Variants in MTHFD2L observed in about 807,000 individuals in gnomAD.
MTHFD2L encodes bifunctional methylenetetrahydrofolate dehydrogenase/cyclohydrolase 2, mitochondrial.
In MTHFD2L, 29 loss-of-function variants were observed where a neutral mutation model predicts 34.9. The observed-to-expected ratio is 0.83, with a 90% CI of 0.62 to 1.13. MTHFD2L has a LOEUF of 1.13. Ranked by LOEUF, MTHFD2L falls within the 50% of genes most tolerant of loss-of-function variation. The pLI is 0.00. For missense variants in MTHFD2L, 481 were observed against 446.5 expected, an observed-to-expected ratio of 1.08 and a Z score of -0.70; for synonymous variants, 167 against 155.7, an observed-to-expected ratio of 1.07 and a Z score of -0.54.
chr4:74,232,919 GT>G (rs1288544460), intron 6 of MTHFD2L, among the ~76,000 whole-genome samples: 1 of 152,048 alleles, frequency 6.6e-6, no homozygotes, highest in Non-Finnish European at 1.5e-5. Flanking sequence ...CATTTAGATA[GT>G]TCCCTGAGTT....
chr4:74,280,327 T>C (rs192425058), intron 6 of MTHFD2L: 1 of 152,130 alleles, frequency 6.6e-6, no homozygotes, highest in Non-Finnish European at 1.5e-5. Context: ...CACTCACTCT[T>C]GGAAGCCAGC....
At chr4:74,165,592 G>A (rs1164316657) in intron 1 of MTHFD2L, among the ~76,000 whole-genome samples, 1 of 152,134 alleles carries the variant, frequency 6.6e-6, no homozygotes, top group Non-Finnish European at 1.5e-5. Flanking sequence ...TCCTGACCTC[G>A]TGATCCACCC....
At chr4:74,238,980 A>G (rs561582240) in intron 6 of MTHFD2L, among the ~76,000 whole-genome samples, 2 of 152,362 alleles carry the variant, frequency 1.3e-5, no homozygotes, top group African/African-American at 4.8e-5. Context: ...CGATCCCATT[A>G]CTGGGTATAC....
intron 1 of MTHFD2L, among the ~76,000 whole-genome samples, chr4:74,138,707 A>G (rs987101519): frequency 2.0e-5 from 3 of 152,160 alleles, no homozygotes; most frequent in Non-Finnish European, 4.4e-5. Context: ...GATGGTGAGC[A>G]AAAGCTCAGC....
chr4:74,220,803 GTTTC>G (rs2110109107), intron 5 of MTHFD2L, among the ~76,000 whole-genome samples: 1 of 151,062 alleles, frequency 6.6e-6, no homozygotes, highest in South Asian at 2.1e-4. Flanking sequence ...TTATCTCAAT[GTTTC>G]TTATTGTAGT....
chr4:74,301,613 T>A, intron 7 of MTHFD2L, 84 bp from the exon 8 acceptor site: 2 of 757,462 alleles, frequency 2.6e-6, no homozygotes, highest in Non-Finnish European at 4.2e-6. Context: ...TAATGAAGAA[T>A]CACTATATTC....
At position 74,299,088 on chromosome 4, in the gene MTHFD2L, A is replaced by G. The variant is rs566906695; in HGVS notation, c.932-2609A>G. 4.5e-4 allele frequency among the ~76,000 whole-genome samples: 69 copies of G among 152,114 alleles called. No individual in the cohort carries two copies. The South Asian group carries it at 0.014, about 31-fold the overall frequency. On this transcript the variant is annotated intron_variant, in intron 7 of 7. Transcript: ENST00000325278. ...ACTATTTTTTTCATAGACAAATAAT[A>G]TCAAAGCTGCTTTACCTTTCAAAGT...
chr4:74,190,471 G>T (rs1275517473), intron 3 of MTHFD2L: 1 of 985,196 alleles, frequency 1.0e-6, no homozygotes, highest in East Asian at 1.1e-4. Flanking sequence ...TGTAGGAGAG[G>T]CTCAGAAGGG....
chr4:74,293,377 A>G (rs1456796097), intron 7 of MTHFD2L: 2 of 209,830 alleles, frequency 9.5e-6, no homozygotes, highest in African/African-American at 4.7e-5. Context: ...TACAGATTTA[A>G]TTTAATGTAA....
chr4:74,247,020 T>G (rs1406319709), intron 6 of MTHFD2L, among the ~76,000 whole-genome samples: 1 of 149,842 alleles, frequency 6.7e-6, no homozygotes, highest in Non-Finnish European at 1.5e-5. Context: ...GTGAAGAAAG[T>G]CATTGGTAGC....
At chr4:74,276,730 G>A (rs1321179350) in intron 6 of MTHFD2L, among the ~76,000 whole-genome samples, 3 of 152,024 alleles carry the variant, frequency 2.0e-5, no homozygotes, top group South Asian at 2.1e-4. Context: ...ATATGCTTCC[G>A]ATCATTTGCC....
At chr4:74,277,401 T>C (rs1310031712) in intron 6 of MTHFD2L, among the ~76,000 whole-genome samples, 9 of 151,950 alleles carry the variant, frequency 5.9e-5, no homozygotes, top group Non-Finnish European at 1.3e-4. Flanking sequence ...CCCAACACTT[T>C]CTCTTTATCT....
intron 1 of MTHFD2L, among the ~76,000 whole-genome samples, chr4:74,147,093 G>A (rs977899409): frequency 6.6e-6 from 1 of 152,004 alleles, no homozygotes; most frequent in African/African-American, 2.4e-5. Flanking sequence ...GTTTGCTGTT[G>A]TTTCTTGTGG....
chr4:74,207,133 C>T (rs1326539626), intron 5 of MTHFD2L, among the ~76,000 whole-genome samples: 1 of 152,104 alleles, frequency 6.6e-6, no homozygotes, highest in Non-Finnish European at 1.5e-5. Context: ...CTCCTGAGCT[C>T]AAGCAATCTG....
At chr4:74,265,111 A>G (rs1745126545) in intron 6 of MTHFD2L, among the ~76,000 whole-genome samples, 1 of 152,142 alleles carries the variant, frequency 6.6e-6, no homozygotes, top group African/African-American at 2.4e-5. Context: ...ATCATGTCAA[A>G]ACTCAGTGGC....
At chr4:74,148,001 G>A (rs1047700430) in intron 1 of MTHFD2L, among the ~76,000 whole-genome samples, 4 of 152,064 alleles carry the variant, frequency 2.6e-5, no homozygotes, top group African/African-American at 7.2e-5. Flanking sequence ...CTGCACAGAA[G>A]TTTCTTATAA....
At chr4:74,174,832 G>T (rs1357853381) in intron 2 of MTHFD2L, 142 bp downstream of exon 2, 1 of 598,394 alleles carries the variant, frequency 1.7e-6, no homozygotes. Context: ...AGTTACCAAA[G>T]CTTATGTTAA....
At chr4:74,154,533 T>A (rs536921375), upstream of MTHFD2L, among the ~76,000 whole-genome samples, 3 of 152,314 alleles carry the variant, frequency 2.0e-5, no homozygotes, top group African/African-American at 4.8e-5. Context: ...CGGGTTATAA[T>A]CCAACACTAC....
intron 6 of MTHFD2L, among the ~76,000 whole-genome samples, chr4:74,247,476 T>C (rs1742644757): frequency 6.6e-6 from 1 of 152,188 alleles, no homozygotes; most frequent in Non-Finnish European, 1.5e-5. Context: ...TTTATTTCCT[T>C]CTCCTGCCTA....
Sources: gnomAD v4.1 joint callset for allele counts (sites outside exome capture counted in the v4.1 genomes callset) on GRCh38, gnomAD v4.1.1 for gene constraint, MANE v1.5 for transcripts, NCBI Gene and HGNC (gene_info 2026-07-23, HGNC 2026-07-21) for gene names.